Variants in ADGRV1 observed in about 807,000 individuals in gnomAD.
ADGRV1 encodes the protein G-protein coupled receptor 98.
A neutral mutation model predicts 596.2 loss-of-function variants in ADGRV1; 359 were observed. That is an observed-to-expected ratio of 0.60 (90% CI 0.55 to 0.66). The LOEUF is 0.66. ADGRV1 is among the 30% of genes least tolerant of loss of function. ADGRV1 has a pLI of 0.00. For synonymous variants in ADGRV1, 2,681 were observed against 2,679.2 expected (o/e 1.00, Z -0.02); for missense variants, 7,274 against 7,575.6 (o/e 0.96, Z 1.48).
intron 50 of ADGRV1, among the ~76,000 whole-genome samples, chr5:90,737,374 T>C (rs1247810958): frequency 1.3e-5 from 2 of 151,976 alleles, no homozygotes; most frequent in African/African-American, 4.8e-5. Flanking sequence ...TGAAGAATGT[T>C]CTGTTTGCTT....
intron 50 of ADGRV1, among the ~76,000 whole-genome samples, chr5:90,731,449 A>G (rs548585371): frequency 6.6e-6 from 1 of 152,320 alleles, no homozygotes; most frequent in East Asian, 1.9e-4. Context: ...AACCATTTCA[A>G]TGACCAATAC....
At chr5:91,044,162 T>G (rs1347618369) in intron 85 of ADGRV1, among the ~76,000 whole-genome samples, 1 of 152,114 alleles carries the variant, frequency 6.6e-6, no homozygotes, top group Non-Finnish European at 1.5e-5. Context: ...ATAATCACAA[T>G]TACTACAAGA....
intron 83 of ADGRV1, among the ~76,000 whole-genome samples, chr5:90,868,247 AT>A (rs1181874323): frequency 2.6e-5 from 4 of 151,980 alleles, no homozygotes; most frequent in African/African-American, 9.7e-5. Context: ...TAATCAAGCT[AT>A]TTTTCTTAGT....
At chr5:90,895,559 A>G (rs1771233450) in intron 83 of ADGRV1, among the ~76,000 whole-genome samples, 2 of 152,210 alleles carry the variant, frequency 1.3e-5, no homozygotes, top group African/African-American at 4.8e-5. Flanking sequence ...AATGGTGTCA[A>G]GAGGTGGGTA....
At chr5:90,864,387 T>C (rs1331288489) in intron 83 of ADGRV1, among the ~76,000 whole-genome samples, 1 of 152,210 alleles carries the variant, frequency 6.6e-6, no homozygotes, top group Non-Finnish European at 1.5e-5. Context: ...TAAAGCACTG[T>C]GTAAAGCACA....
intron 59 of ADGRV1, among the ~76,000 whole-genome samples, chr5:90,772,016 C>G (rs765533233): frequency 2.0e-5 from 3 of 152,112 alleles, no homozygotes; most frequent in Non-Finnish European, 4.4e-5. Context: ...CCTTTTCCCC[C>G]CTCTTACTGG....
chr5:90,976,322 G>GTGTGTATATATATATA (rs1420288881), intron 84 of ADGRV1, among the ~76,000 whole-genome samples: 13 of 108,632 alleles, frequency 1.2e-4, no homozygotes, highest in African/African-American at 1.5e-4. Flanking sequence ...GTGTGTGTGT[G>GTGTGTATATATATATA]TATATATATA....
In ADGRV1 at chr5:90,840,946, A is replaced by C. The variant is rs757500465; in HGVS notation, c.16980A>C (p.Thr5660=). The C allele has an allele frequency of 1.3e-6, 2 of 1,494,888 alleles. No individual in the cohort carries two copies. The highest frequency in any genetic ancestry group is 1.8e-6 in the Non-Finnish European group (2 of 1,119,568). The allele number at this position is 1,494,888 out of a possible 1,614,324, so 92.6% of individuals were successfully genotyped here. The change falls in exon 78 of 90, where the codon ACA becomes ACC. Residue 5660 remains threonine (T), a synonymous_variant. Coordinates refer to ENST00000405460, the MANE Select transcript of ADGRV1 (RefSeq NM_032119.4). ...TISMKVATEN[T]DEQLSAMMHL... ...GCATGAAAGTGGCCACAGAAAACAC[A>C]GATGAACAACTCAGTGCCATGATGC...
intron 85 of ADGRV1, among the ~76,000 whole-genome samples, chr5:90,997,122 G>A (rs1177172212): frequency 1.3e-5 from 2 of 152,160 alleles, no homozygotes; most frequent in Admixed American, 1.3e-4. Context: ...GAGAAGATAT[G>A]ATTGTGTTTT....
chr5:90,915,102 T>C (rs970094107), intron 83 of ADGRV1, among the ~76,000 whole-genome samples: 2 of 152,312 alleles, frequency 1.3e-5, no homozygotes, highest in South Asian at 4.1e-4. Flanking sequence ...ATTGCAAACA[T>C]AAACTTTTAA....
At chr5:90,909,424 G>C (rs1314133657) in intron 83 of ADGRV1, among the ~76,000 whole-genome samples, 1 of 152,078 alleles carries the variant, frequency 6.6e-6, no homozygotes, top group African/African-American at 2.4e-5. Flanking sequence ...CCTGGCTGAA[G>C]TCTGAAGACT....
chr5:90,697,002 A>G lies in ADGRV1; in HGVS notation c.8011A>G (p.Ile2671Val), dbSNP rs780611839. The G allele has an allele frequency of 3.1e-6, 5 of 1,613,248 alleles. No homozygotes were observed. The highest frequency in any genetic ancestry group is 2.2e-5 in the South Asian group (2 of 91,054). ...CTCTGAACCAGAGGATGACGAAAGT[A>G]TCATAGTTAGTTTGGTGTACACTGA... is the stretch of plus-strand genomic sequence containing the variant. ...DDSEPEDDES[I>V]IVSLVYTEGG... Residue 2671 changes from isoleucine (I) to valine (V), a missense_variant, in exon 34 of 90, where the codon ATC (isoleucine) becomes GTC (valine). This residue lies in a region of ADGRV1 where 3,643 missense variants were observed against 3,809.2 expected (regional missense o/e 0.96). Transcript: ENST00000405460.
Position 90,837,744 on chromosome 5 carries a change from C to T in ADGRV1, c.16612-2834C>T, listed in dbSNP as rs182209765. 6.6e-4 allele frequency among the ~76,000 whole-genome samples: 101 copies of T among 152,148 alleles called. 1 individual carries two copies. The highest frequency in any genetic ancestry group is 3.4e-3 in the Middle Eastern group (1 of 292). ...TAAATATTTGAACTATGAAATAAATCCTGCGAAAAAACAGTGGGCCAAATG... is the reference window on the plus strand; with the variant it reads ...TAAATATTTGAACTATGAAATAAATTCTGCGAAAAAACAGTGGGCCAAATG... On this transcript the variant is annotated intron_variant, in intron 77 of 89. Coordinates refer to ENST00000405460, the MANE Select transcript of ADGRV1 (RefSeq NM_032119.4).
chr5:91,112,144 C>T (rs1792427722), intron 87 of ADGRV1, among the ~76,000 whole-genome samples: 1 of 152,160 alleles, frequency 6.6e-6, no homozygotes, highest in Non-Finnish European at 1.5e-5. Flanking sequence ...AGGATTTTCA[C>T]TTTTGTTTCA....
chr5:91,147,688 ATTTC>A (rs1475756882), intron 87 of ADGRV1, among the ~76,000 whole-genome samples: 1 of 152,130 alleles, frequency 6.6e-6, no homozygotes, highest in Non-Finnish European at 1.5e-5. Context: ...AGTCTCGGGT[ATTTC>A]TTTATAGCAG....
At position 90,745,264 on chromosome 5, in the gene ADGRV1, A is replaced by C; in HGVS notation, c.10768A>C (p.Ser3590Arg). ...YISSHSDFIP[S>R]SGELIFEPGE... ...TTCCAGCCATTCTGACTTTATTCCT[A>C]GGTAGGTTCAACATTTTTTGCTAAG... Residue 3590 changes from serine to arginine, a missense_variant and splice_region_variant, in exon 51 of 90, where the codon AGT becomes CGT. This residue lies in a region of ADGRV1 where 3,643 missense variants were observed against 3,809.2 expected (regional missense o/e 0.96). Coordinates refer to ENST00000405460, the MANE Select transcript of ADGRV1 (RefSeq NM_032119.4). 6.4e-7 allele frequency: 1 copy of C among 1,567,930 alleles called. No homozygotes were observed. The highest frequency in any genetic ancestry group is 1.2e-5 in the South Asian group (1 of 84,384).
intron 86 of ADGRV1, among the ~76,000 whole-genome samples, chr5:91,098,100 A>G (rs1300954851): frequency 6.6e-6 from 1 of 152,198 alleles, no homozygotes; most frequent in East Asian, 1.9e-4. Flanking sequence ...ACCAATTACA[A>G]ATGCTTTCTT....
chr5:91,155,766 A>G (rs1002040605), intron 89 of ADGRV1, among the ~76,000 whole-genome samples: 2 of 152,216 alleles, frequency 1.3e-5, no homozygotes, highest in Non-Finnish European at 1.5e-5. Flanking sequence ...ATAGTGAGCC[A>G]TGTAGGTTTT....
chr5:90,957,141 G>A (rs1777553048), intron 83 of ADGRV1, among the ~76,000 whole-genome samples: 1 of 152,080 alleles, frequency 6.6e-6, no homozygotes, highest in Admixed American at 6.6e-5. Context: ...GCATAATTAA[G>A]CAGGAAAAAA....
Sources: allele counts gnomAD v4.1 joint callset (sites outside exome capture counted in the v4.1 genomes callset), GRCh38; gene constraint gnomAD v4.1.1; regional missense constraint gnomAD v4.1.1; transcripts MANE v1.5; gene names NCBI Gene and HGNC (gene_info 2026-07-23, HGNC 2026-07-21).